SHISA6: variants seen among roughly 807,000 people sequenced by gnomAD.
The protein encoded by SHISA6 is shisa family member 6.
A neutral mutation model predicts 47.9 loss-of-function variants in SHISA6; 22 were observed. The ratio of observed to expected loss-of-function variants is 0.46; its 90% CI spans 0.33 to 0.66. The LOEUF (loss-of-function observed/expected upper bound fraction) is 0.66. SHISA6 is among the 30% of genes least tolerant of loss of function. The pLI is 0.02. For missense variants in SHISA6, 680 were observed against 764.6 expected (o/e 0.89, Z 1.30); for synonymous variants, 388 against 337.8 (o/e 1.15, Z -1.63).
chr17:11,262,975 T>A (rs994185169), intron 1 of SHISA6, among the ~76,000 whole-genome samples: 1 of 152,204 alleles, frequency 6.6e-6, no homozygotes, highest in East Asian at 1.9e-4. Flanking sequence ...CCCCTGATAT[T>A]AGTGACCTGC....
chr17:11,284,631 T>A (rs1047711859), intron 2 of SHISA6, among the ~76,000 whole-genome samples: 1 of 152,242 alleles, frequency 6.6e-6, no homozygotes, highest in Non-Finnish European at 1.5e-5. Context: ...GAGTTCCTCA[T>A]TGAGGAATGG....
intron 2 of SHISA6, among the ~76,000 whole-genome samples, chr17:11,329,596 C>T (rs189360960): frequency 2.7e-4 from 41 of 151,726 alleles, no homozygotes; most frequent in Non-Finnish European, 5.0e-4. Flanking sequence ...AGTCTCCACG[C>T]GAGTAAAACA....
chr17:11,462,374 T>C (rs1399253709), intron 3 of SHISA6, among the ~76,000 whole-genome samples: 2 of 152,164 alleles, frequency 1.3e-5, no homozygotes, highest in East Asian at 1.9e-4. Flanking sequence ...TCTCATCTTA[T>C]CCCAGCTGTC....
chr17:11,400,822 T>G (rs921310602), intron 3 of SHISA6, among the ~76,000 whole-genome samples: 3 of 152,202 alleles, frequency 2.0e-5, no homozygotes, highest in Non-Finnish European at 4.4e-5. Context: ...CCATAAGGAC[T>G]GAAATGTTTT....
At chr17:11,524,503 C>CTTTTTTTT (rs548959000) in intron 3 of SHISA6, among the ~76,000 whole-genome samples, 1 of 140,842 alleles carries the variant, frequency 7.1e-6, no homozygotes, top group African/African-American at 2.6e-5. Context: ...TTTCTTTTTT[C>CTTTTTTTT]TTTTTTTTTT....
At chr17:11,450,122 T>C (rs564039783) in intron 3 of SHISA6, among the ~76,000 whole-genome samples, 1 of 152,098 alleles carries the variant, frequency 6.6e-6, no homozygotes, top group South Asian at 2.1e-4. Flanking sequence ...CCTGACCTCG[T>C]GATCCACCCG....
At chr17:11,526,880 C>CATAT (rs149856154) in intron 3 of SHISA6, among the ~76,000 whole-genome samples, 46 of 111,832 alleles carry the variant, frequency 4.1e-4, no homozygotes, top group Non-Finnish European at 5.1e-4. Context: ...TATCTATCAT[C>CATAT]ATATATATAT....
At chr17:11,256,866 C>G (rs1481944550) in intron 1 of SHISA6, among the ~76,000 whole-genome samples, 1 of 152,218 alleles carries the variant, frequency 6.6e-6, no homozygotes, top group Non-Finnish European at 1.5e-5. Context: ...CACATCTACT[C>G]TCTACCTGGC....
chr17:11,270,322 A>G (rs1306885158), intron 2 of SHISA6, among the ~76,000 whole-genome samples: 1 of 152,234 alleles, frequency 6.6e-6, no homozygotes, highest in Non-Finnish European at 1.5e-5. Context: ...CTGATTGCCA[A>G]GTAGTGGACA....
At chr17:11,277,318 A>ACACACACACACACACACCC (rs1389004430) in intron 2 of SHISA6, among the ~76,000 whole-genome samples, 1 of 127,988 alleles carries the variant, frequency 7.8e-6, no homozygotes, top group African/African-American at 3.1e-5. Context: ...ACACACACAC[A>ACACACACACACACACACCC]CCCCGCATGT....
At chr17:11,535,746 G>A (rs1443120326) in intron 3 of SHISA6, among the ~76,000 whole-genome samples, 1 of 152,116 alleles carries the variant, frequency 6.6e-6, no homozygotes, top group Non-Finnish European at 1.5e-5. Flanking sequence ...CTTATTTTTT[G>A]CGTGACCTCC....
At chr17:11,379,538 T>C (rs1315361110) in intron 3 of SHISA6, 29 bp downstream of exon 3, 3 of 1,468,912 alleles carry the variant, frequency 2.0e-6, no homozygotes, top group Non-Finnish European at 2.8e-6. Flanking sequence ...TTTACTAAAA[T>C]ACAGAGGTTG....
At chr17:11,443,299 A>G (rs1915141926) in intron 3 of SHISA6, among the ~76,000 whole-genome samples, 1 of 152,234 alleles carries the variant, frequency 6.6e-6, no homozygotes, top group Admixed American at 6.5e-5. Flanking sequence ...GAGTGGGCCC[A>G]TGGAACATGA....
chr17:11,263,384 A>G lies in SHISA6; in HGVS notation c.657A>G (p.Leu219=). 6.4e-7 allele frequency: 1 copy of G among 1,552,170 alleles called. No individual in the cohort carries two copies. Among genetic ancestry groups the G allele is most frequent in the South Asian group, 1.2e-5 (1 of 84,060 alleles). The change falls in exon 2 of 6, where the codon TTA becomes TTG. Residue 219 remains leucine (L), a synonymous_variant. Coordinates refer to ENST00000441885, the MANE Select transcript of SHISA6 (RefSeq NM_207386.4). ...MNIHRALADI[L]RQQGPIPIAH... Reference sequence around the variant, plus strand: ...TGTTTAGGGCTCTGGCTGACATCTTAAGACAACAGGGACCAATCCCCATAG... The same window carrying G: ...TGTTTAGGGCTCTGGCTGACATCTTGAGACAACAGGGACCAATCCCCATAG...
At chr17:11,514,430 G>A (rs559742508) in intron 3 of SHISA6, among the ~76,000 whole-genome samples, 1 of 152,230 alleles carries the variant, frequency 6.6e-6, no homozygotes, top group East Asian at 1.9e-4. Flanking sequence ...AGTTTTTTCA[G>A]GGGAAGCAAT....
intron 3 of SHISA6, among the ~76,000 whole-genome samples, chr17:11,530,517 G>C (rs2071723314): frequency 6.6e-6 from 1 of 152,010 alleles, no homozygotes; most frequent in South Asian, 2.1e-4. Context: ...AGAGTTTTTA[G>C]ACATTAAAAC....
At chr17:11,303,858 C>T (rs1330324630) in intron 2 of SHISA6, among the ~76,000 whole-genome samples, 1 of 152,170 alleles carries the variant, frequency 6.6e-6, no homozygotes, top group Non-Finnish European at 1.5e-5. Context: ...GCCATCCCTG[C>T]TTCTGTGTTT....
rs1329544674 is a variant in SHISA6, at chr17:11,241,898, T to C, written c.476T>C (p.Val159Ala). 6.4e-7 allele frequency: 1 copy of C among 1,550,964 alleles called. No homozygotes were observed. The highest frequency in any genetic ancestry group is 8.7e-7 in the Non-Finnish European group (1 of 1,146,998). The change falls in exon 1 of 6, where the codon GTG (valine) becomes GCG (alanine). Residue 159 changes from valine (V) to alanine (A), a missense_variant. By Grantham distance (64) the Val-to-Ala change is moderately conservative. Around this residue, in one of 2 missense-constraint regions of SHISA6, gnomAD observed 559 missense variants for 674.1 expected, o/e 0.83. Coordinates refer to ENST00000441885, the MANE Select transcript of SHISA6 (RefSeq NM_207386.4). This position sits in a 1 kb window ranked among gnomAD's most constrained non-coding sequence, Gnocchi z 5.5. The stretch of plus-strand genomic sequence containing the variant: ...GTACAGACGCCCAGCACCAAGGTGG[T>C]GTCGCCGGGGCCCGAGAACAAGTAC... ...VWVQTPSTKV[V>A]SPGPENKYDP...
At chr17:11,486,160 A>C (rs1916343092) in intron 3 of SHISA6, among the ~76,000 whole-genome samples, 1 of 152,190 alleles carries the variant, frequency 6.6e-6, no homozygotes, top group Non-Finnish European at 1.5e-5. Flanking sequence ...AATTGTGCTG[A>C]AGTGGCTGCC....
Sources: allele counts gnomAD v4.1 joint callset (sites outside exome capture counted in the v4.1 genomes callset), GRCh38; gene constraint gnomAD v4.1.1; regional missense constraint gnomAD v4.1.1; non-coding constraint Gnocchi (gnomAD v3.1); transcripts MANE v1.5; gene names NCBI Gene and HGNC (gene_info 2026-07-23, HGNC 2026-07-21).